Variants in DCUN1D4 observed in about 807,000 individuals in gnomAD.
DCUN1D4 encodes the protein defective in cullin neddylation 1 domain containing 4.
Under a neutral mutation model 47.9 loss-of-function variants are expected in DCUN1D4, and 22 were observed. The ratio of observed to expected loss-of-function variants is 0.46; its 90% confidence interval spans 0.33 to 0.66. The LOEUF (loss-of-function observed/expected upper bound fraction) is 0.66. Among genes scored for constraint, DCUN1D4 ranks in the 30% least tolerant of loss-of-function variants. The pLI is 0.02. For missense variants in DCUN1D4, 301 were observed against 340.8 expected (o/e 0.88, Z 0.92); for synonymous variants, 121 against 112.2 (o/e 1.08, Z -0.50).
chr4:51,886,668 CAGTT>C (rs1454157934), intron 6 of DCUN1D4, 30 bp downstream of exon 6: 15 of 1,574,050 alleles, frequency 9.5e-6, no homozygotes, highest in Admixed American at 3.4e-5. Flanking sequence ...TTGGGTGAAT[CAGTT>C]GGTTGTTTTT....
At chr4:51,889,609 A>G (rs1462979602) in intron 6 of DCUN1D4, among the ~76,000 whole-genome samples, 1 of 152,054 alleles carries the variant, frequency 6.6e-6, no homozygotes, top group Admixed American at 6.5e-5. Flanking sequence ...TTTTAACTTA[A>G]CAAGTGTTTA....
intron 5 of DCUN1D4, among the ~76,000 whole-genome samples, chr4:51,878,143 G>A (rs142740673): frequency 5.3e-5 from 8 of 152,242 alleles, no homozygotes; most frequent in African/African-American, 1.9e-4. Flanking sequence ...GCTGATAATG[G>A]GTGATTATTT....
At chr4:51,888,820 A>G (rs1224029409) in intron 6 of DCUN1D4, among the ~76,000 whole-genome samples, 4 of 149,588 alleles carry the variant, frequency 2.7e-5, no homozygotes, top group African/African-American at 9.8e-5. Flanking sequence ...TTATCCAAGT[A>G]TGTAGGCCAG....
At chr4:51,845,672 A>G (rs978197350) in intron 1 of DCUN1D4, among the ~76,000 whole-genome samples, 15 of 152,200 alleles carry the variant, frequency 9.9e-5, no homozygotes, top group African/African-American at 3.6e-4. Context: ...TATGTAATAT[A>G]TAAGGTATTA....
intron 8 of DCUN1D4, among the ~76,000 whole-genome samples, chr4:51,901,095 T>C (rs531909534): frequency 3.3e-5 from 5 of 152,242 alleles, no homozygotes; most frequent in African/African-American, 4.8e-5. Context: ...ATGTCCACAT[T>C]CTTTCACTTC....
At chr4:51,842,093 T>G (rs547441644), upstream of DCUN1D4, among the ~76,000 whole-genome samples, 2 of 152,174 alleles carry the variant, frequency 1.3e-5, no homozygotes, top group African/African-American at 4.8e-5. Flanking sequence ...AGGGCAGGAC[T>G]CATGGAAATG....
intron 4 of DCUN1D4, among the ~76,000 whole-genome samples, chr4:51,877,160 T>C (rs1727839523): frequency 6.6e-6 from 1 of 152,200 alleles, no homozygotes; most frequent in Non-Finnish European, 1.5e-5. Context: ...AGAAGCTAGT[T>C]TCTCTATACT....
intron 8 of DCUN1D4, 31 bp from the exon 9 acceptor site, chr4:51,911,039 T>A: frequency 6.3e-7 from 1 of 1,599,012 alleles, no homozygotes; most frequent in Non-Finnish European, 8.6e-7. Context: ...TGGGGGCATC[T>A]GGCTCATCCT....
chr4:51,844,968 C>A, intron 1 of DCUN1D4: 1 of 985,438 alleles, frequency 1.0e-6, no homozygotes, highest in Non-Finnish European at 1.2e-6. Context: ...GACTCCCCAG[C>A]CCTTCTCCCT....
chr4:51,883,418 C>A (rs1161126287), intron 5 of DCUN1D4, among the ~76,000 whole-genome samples: 4 of 152,082 alleles, frequency 2.6e-5, no homozygotes, highest in Admixed American at 6.5e-5. Context: ...TGTAGTGTGT[C>A]TAATACATAC....
At chr4:51,848,130 C>T in intron 1 of DCUN1D4, 1 of 1,143,262 alleles carries the variant, frequency 8.7e-7, no homozygotes, top group Non-Finnish European at 1.2e-6. Context: ...CACAAGCTTT[C>T]ACCTACTCAT....
At chr4:51,872,941 C>T (rs993634047) in intron 3 of DCUN1D4, among the ~76,000 whole-genome samples, 5 of 152,374 alleles carry the variant, frequency 3.3e-5, no homozygotes, top group Admixed American at 6.5e-5. Context: ...CACCCGAACA[C>T]AACACTTGGC....
At chr4:51,896,468 T>G (rs975853412) in intron 7 of DCUN1D4, among the ~76,000 whole-genome samples, 1 of 152,184 alleles carries the variant, frequency 6.6e-6, no homozygotes, top group Non-Finnish European at 1.5e-5. Context: ...AATCTATGGC[T>G]TTGGTCCTTG....
At chr4:51,889,045 G>T (rs1245433200) in intron 6 of DCUN1D4, among the ~76,000 whole-genome samples, 1 of 152,054 alleles carries the variant, frequency 6.6e-6, no homozygotes, top group Non-Finnish European at 1.5e-5. Flanking sequence ...GGAGGTGGAG[G>T]TTGCAGTGAG....
intron 6 of DCUN1D4, among the ~76,000 whole-genome samples, chr4:51,888,966 G>T (rs779626025): frequency 6.6e-6 from 1 of 151,392 alleles, no homozygotes; most frequent in Non-Finnish European, 1.5e-5. Flanking sequence ...AAAATTAGCC[G>T]GGCGTAGTGA....
chr4:51,893,939 A>T (rs1037145126), intron 7 of DCUN1D4, among the ~76,000 whole-genome samples: 1 of 152,226 alleles, frequency 6.6e-6, no homozygotes, highest in Non-Finnish European at 1.5e-5. Context: ...ATTACCTGAT[A>T]CCAGACCTTG....
chr4:51,857,568 G>A (rs192084193), intron 1 of DCUN1D4, among the ~76,000 whole-genome samples: 1 of 152,268 alleles, frequency 6.6e-6, no homozygotes, highest in Admixed American at 6.5e-5. Flanking sequence ...GCTTGATGTG[G>A]GGATTATGTT....
At chr4:51,904,404 A>G (rs1732567208) in intron 8 of DCUN1D4, among the ~76,000 whole-genome samples, 1 of 152,138 alleles carries the variant, frequency 6.6e-6, no homozygotes. Context: ...TATATGGCCA[A>G]AGACTGAAGG....
At chr4:51,876,118 G>A (rs148861212) in intron 4 of DCUN1D4, among the ~76,000 whole-genome samples, 5 of 152,026 alleles carry the variant, frequency 3.3e-5, no homozygotes, top group Non-Finnish European at 5.9e-5. Context: ...ACTGATAATC[G>A]GGTGAGTGTC....
Sources: gnomAD v4.1 joint callset for allele counts (sites outside exome capture counted in the v4.1 genomes callset) on GRCh38, gnomAD v4.1.1 for gene constraint, MANE v1.5 for transcripts, NCBI Gene and HGNC (gene_info 2026-07-23, HGNC 2026-07-21) for gene names.